ANO6: variants seen among roughly 807,000 people sequenced by gnomAD.
ANO6 encodes the protein anoctamin 6, also known as anoctamin-6.
Under a neutral mutation model 117.5 loss-of-function variants are expected in ANO6, and 106 were observed. The observed-to-expected ratio is 0.90, with a 90% CI of 0.77 to 1.06. The LOEUF (loss-of-function observed/expected upper bound fraction) is 1.06, where lower values mean the gene tolerates loss of function less well. ANO6 is among the 50% of genes least tolerant of loss of function. ANO6 has a pLI of 0.00. For synonymous variants in ANO6, 367 were observed against 385.1 expected (o/e 0.95, Z 0.55); for missense variants, 955 against 1,121.1 (o/e 0.85, Z 2.12).
chr12:45,372,180 G>A (rs567578294), intron 9 of ANO6, among the ~76,000 whole-genome samples: 1 of 151,994 alleles, frequency 6.6e-6, no homozygotes, highest in African/African-American at 2.4e-5. Context: ...AAAAAGAAAT[G>A]AGCAAAGCCT....
intron 15 of ANO6, among the ~76,000 whole-genome samples, chr12:45,409,117 T>C (rs2137656576): frequency 6.6e-6 from 1 of 152,196 alleles, no homozygotes; most frequent in Admixed American, 6.5e-5. Context: ...AAGCTGCCCA[T>C]AGGGAAAAAG....
chr12:45,355,548 A>G (rs915451756), intron 7 of ANO6, among the ~76,000 whole-genome samples: 2 of 152,204 alleles, frequency 1.3e-5, no homozygotes, highest in Non-Finnish European at 2.9e-5. Context: ...TACAGAAAGC[A>G]TAACCAAAAA....
At position 45,429,057 on chromosome 12, in the gene ANO6, TCTC is replaced by T. The variant is rs370656837; in HGVS notation, c.2527-43_2527-41del. On this transcript the variant is annotated intron_variant, in intron 19 of 19. Transcript: ENST00000320560. ...AGCAAGAATGAAAGGAACTCGGTGTTCTCCTCCATTTCTTTGTGAGTGACATTT... is the reference window on the plus strand; with the variant it reads ...AGCAAGAATGAAAGGAACTCGGTGTTCTCCATTTCTTTGTGAGTGACATTT... 6.1e-4 allele frequency: 971 copies of T among 1,601,690 alleles called. 13 individuals carry two copies. In the East Asian group the frequency reaches 0.02, roughly 33 times the overall value.
At chr12:45,233,624 G>A (rs562238616) in intron 1 of ANO6, among the ~76,000 whole-genome samples, 28 of 152,132 alleles carry the variant, frequency 1.8e-4, no homozygotes, top group African/African-American at 6.0e-4. Context: ...TGCTTATTTA[G>A]TCCAGTGATA....
exon 20 of ANO6, chr12:45,440,091 C>A: frequency 1.4e-6 from 1 of 708,206 alleles, no homozygotes; most frequent in Middle Eastern, 4.5e-4. Context: ...CGTATTTGAG[C>A]TGCAACCCAC....
intron 3 of ANO6, among the ~76,000 whole-genome samples, chr12:45,345,820 A>G (rs1024392753): frequency 1.4e-4 from 21 of 152,110 alleles, no homozygotes; most frequent in African/African-American, 5.1e-4. Context: ...TGCTGCTGTA[A>G]CAGAATTCCA....
chr12:45,429,877 G>T lies in ANO6; in HGVS notation c.*566G>T. The T allele has an allele frequency of 1.0e-6, 1 of 989,572 alleles. No individual in the cohort carries two copies. The highest frequency in any genetic ancestry group is 5.8e-5 in the Admixed American group (1 of 17,210). The allele number at this position is 989,572 out of a possible 1,614,324, so 61.3% of individuals were successfully genotyped here. On this transcript the variant is annotated 3_prime_UTR_variant, in exon 20 of 20. Transcript: ENST00000320560. Reference sequence around the variant, plus strand: ...AAACCTCAGTTAATCAGAGGAAATAGTTTCAGTCTTCATTTGAGCATGTCT... The same window carrying T: ...AAACCTCAGTTAATCAGAGGAAATATTTTCAGTCTTCATTTGAGCATGTCT...
downstream of ANO6, among the ~76,000 whole-genome samples, chr12:45,435,318 C>T (rs963002849): frequency 1.3e-5 from 2 of 152,228 alleles, no homozygotes; most frequent in African/African-American, 4.8e-5. Context: ...TTAGCTGCTG[C>T]ACCTAATAGT....
chr12:45,331,226 A>G, intron 2 of ANO6, 69 bp from the exon 3 acceptor site: 1 of 1,390,406 alleles, frequency 7.2e-7, no homozygotes, highest in Non-Finnish European at 9.9e-7. Flanking sequence ...AAGCTTGAAA[A>G]TTAACACTTA....
chr12:45,425,719 A>G (rs1943485438), intron 19 of ANO6, among the ~76,000 whole-genome samples: 1 of 152,248 alleles, frequency 6.6e-6, no homozygotes, highest in Non-Finnish European at 1.5e-5. Flanking sequence ...TTTCAATCCT[A>G]TACAAATGCC....
At chr12:45,405,911 GA>G (rs1038021624) in intron 15 of ANO6, among the ~76,000 whole-genome samples, 33 of 147,198 alleles carry the variant, frequency 2.2e-4, no homozygotes, top group South Asian at 1.5e-3. Flanking sequence ...CCATCTCGAA[GA>G]AAAAAAAAAG....
chr12:45,268,021 A>G (rs1283474854), intron 1 of ANO6, among the ~76,000 whole-genome samples: 2 of 152,230 alleles, frequency 1.3e-5, no homozygotes, highest in African/African-American at 4.8e-5. Flanking sequence ...ACAAATGTTT[A>G]AAAAGGCCAG....
chr12:45,439,000 G>T (rs983420364), intron 19 of ANO6, among the ~76,000 whole-genome samples: 3 of 152,204 alleles, frequency 2.0e-5, no homozygotes, highest in Admixed American at 6.5e-5. Flanking sequence ...ACCAAAAGAT[G>T]TAGGAAGTAT....
intron 1 of ANO6, among the ~76,000 whole-genome samples, chr12:45,220,182 A>G (rs1300944003): frequency 6.6e-6 from 1 of 152,132 alleles, no homozygotes; most frequent in Non-Finnish European, 1.5e-5. Flanking sequence ...TGGTTCCAAA[A>G]AAGACTATCA....
Position 45,230,929 on chromosome 12 carries a change from G to A in ANO6, c.70+14538G>A, listed in dbSNP as rs545345313. Among the ~76,000 whole-genome samples, 7 of 152,154 alleles carry A rather than the reference G, an allele frequency of 4.6e-5. No homozygotes were observed. In the East Asian group the frequency reaches 1.2e-3, roughly 25 times the overall value. On this transcript the variant is annotated intron_variant, in intron 1 of 19. Transcript: ENST00000320560. ...TCAAGACCAGCCTGGGCAACTTGACGAAACCTTGTCTCTACAAAAATATAA... is the reference window on the plus strand; with the variant it reads ...TCAAGACCAGCCTGGGCAACTTGACAAAACCTTGTCTCTACAAAAATATAA...
At chr12:45,240,234 GAGTT>G (rs1211387109) in intron 1 of ANO6, among the ~76,000 whole-genome samples, 2 of 151,900 alleles carry the variant, frequency 1.3e-5, no homozygotes, top group Non-Finnish European at 2.9e-5. Flanking sequence ...ATATTTAAGA[GAGTT>G]AGTTCTTCTT....
intron 1 of ANO6, among the ~76,000 whole-genome samples, chr12:45,223,564 A>G (rs924294284): frequency 2.6e-5 from 4 of 152,150 alleles, no homozygotes; most frequent in Non-Finnish European, 4.4e-5. Context: ...AGTGCTCACA[A>G]TGAATTCTCA....
At chr12:45,385,953 C>T (rs954007816) in intron 10 of ANO6, among the ~76,000 whole-genome samples, 8 of 152,176 alleles carry the variant, frequency 5.3e-5, no homozygotes, top group Admixed American at 4.6e-4. Flanking sequence ...CCAAGACTGC[C>T]TCCTGCATTT....
At chr12:45,386,761 T>G (rs1175257619) in intron 10 of ANO6, among the ~76,000 whole-genome samples, 1 of 152,254 alleles carries the variant, frequency 6.6e-6, no homozygotes, top group Non-Finnish European at 1.5e-5. Flanking sequence ...ATTTGCAGTT[T>G]TGGGAAAGTA....
Sources: allele counts gnomAD v4.1 joint callset (sites outside exome capture counted in the v4.1 genomes callset), GRCh38; gene constraint gnomAD v4.1.1; transcripts MANE v1.5; gene names NCBI Gene and HGNC (gene_info 2026-07-23, HGNC 2026-07-21).